The following GALNTL6 variants were observed in gnomAD, a reference collection of about 807,000 sequenced individuals.
The protein encoded by GALNTL6 is polypeptide N-acetylgalactosaminyltransferase like 6.
Under a neutral mutation model 73.7 loss-of-function variants are expected in GALNTL6, and 46 were observed. That is an observed-to-expected ratio of 0.62 (90% CI 0.49 to 0.80). The LOEUF is 0.80. Ranked by LOEUF, GALNTL6 falls within the 30% of genes least tolerant of loss-of-function variation. GALNTL6 has a pLI of 0.00. For synonymous variants in GALNTL6, 259 were observed against 263.7 expected, an observed-to-expected ratio of 0.98 and a Z score of 0.17; for missense variants, 604 against 755.0, an observed-to-expected ratio of 0.80 and a Z score of 2.34.
At chr4:172,052,399 C>T (rs1402720844) in intron 2 of GALNTL6, 7 of 1,418,534 alleles carry the variant, frequency 4.9e-6, no homozygotes, top group East Asian at 2.5e-5. Context: ...TCATAGTAAC[C>T]ACAAGCTCCA....
At chr4:172,612,423 G>A (rs1738560503) in intron 5 of GALNTL6, among the ~76,000 whole-genome samples, 1 of 152,050 alleles carries the variant, frequency 6.6e-6, no homozygotes, top group Admixed American at 6.6e-5. Context: ...CAGGACACTA[G>A]GCAACAGAAT....
intron 2 of GALNTL6, among the ~76,000 whole-genome samples, chr4:171,980,804 A>T (rs2111079299): frequency 6.6e-6 from 1 of 152,342 alleles, no homozygotes; most frequent in East Asian, 1.9e-4. Flanking sequence ...TGACACATAG[A>T]CCCACTCTGA....
intron 12 of GALNTL6, among the ~76,000 whole-genome samples, chr4:173,035,617 C>T (rs1753667004): frequency 6.6e-6 from 1 of 152,200 alleles, no homozygotes; most frequent in Non-Finnish European, 1.5e-5. Context: ...TCAAACTCAA[C>T]TGATGTGATT....
At chr4:171,984,939 T>C (rs1336383112) in intron 2 of GALNTL6, among the ~76,000 whole-genome samples, 1 of 151,034 alleles carries the variant, frequency 6.6e-6, no homozygotes, top group African/African-American at 2.4e-5. Flanking sequence ...GATCACGAGG[T>C]CAGGAGATTA....
chr4:172,477,453 A>G (rs968351051), intron 5 of GALNTL6, among the ~76,000 whole-genome samples: 2 of 152,176 alleles, frequency 1.3e-5, no homozygotes, highest in African/African-American at 4.8e-5. Context: ...CAGATAATGT[A>G]TATTTCTGTT....
At chr4:171,887,944 G>GTATGACA (rs1354583468) in intron 2 of GALNTL6, among the ~76,000 whole-genome samples, 2 of 152,162 alleles carry the variant, frequency 1.3e-5, no homozygotes, top group Admixed American at 6.6e-5. Context: ...ATAGATTGGT[G>GTATGACA]TATGACATGT....
At position 172,240,174 on chromosome 4, in the gene GALNTL6, T is replaced by A. The variant is rs115833386; in HGVS notation, c.247+10410T>A. ...CTTTTTTTCTGGGACACCAGTGAGT[T>A]ACAGATTTCATCTCTTGACATAATT... On this transcript the variant is annotated intron_variant, in intron 3 of 12. Transcript: ENST00000506823. 7.0e-3 allele frequency among the ~76,000 whole-genome samples: 1,059 copies of A among 152,228 alleles called. 10 individuals are homozygous for A. Among genetic ancestry groups the A allele is most frequent in the African/African-American group, 0.024 (1,018 of 41,554 alleles).
chr4:172,221,544 T>A (rs1736676111), intron 2 of GALNTL6, among the ~76,000 whole-genome samples: 1 of 137,618 alleles, frequency 7.3e-6, no homozygotes, highest in Non-Finnish European at 1.6e-5. Context: ...ACATTCACAC[T>A]AATTTGTGGA....
intron 8 of GALNTL6, among the ~76,000 whole-genome samples, chr4:172,924,931 G>C (rs1310775768): frequency 1.3e-5 from 2 of 152,094 alleles, no homozygotes; most frequent in Admixed American, 6.5e-5. Context: ...GAGTGCAGTG[G>C]CGCGATCTCG....
chr4:171,816,117 G>A (rs1326633247), intron 2 of GALNTL6: 1 of 151,882 alleles, frequency 6.6e-6, no homozygotes, highest in Admixed American at 6.6e-5. Context: ...ATGTAAAACA[G>A]GATTTTAATA....
At chr4:173,027,274 C>T (rs889165065) in intron 12 of GALNTL6, among the ~76,000 whole-genome samples, 7 of 152,158 alleles carry the variant, frequency 4.6e-5, no homozygotes, top group Admixed American at 2.0e-4. Flanking sequence ...TGAGCCACCG[C>T]GCCCAGCCCT....
intron 5 of GALNTL6, among the ~76,000 whole-genome samples, chr4:172,740,522 C>T (rs963925875): frequency 6.6e-6 from 1 of 152,156 alleles, no homozygotes; most frequent in Non-Finnish European, 1.5e-5. Flanking sequence ...TGGCCATTTG[C>T]AGACATACAC....
chr4:172,361,003 A>C, intron 5 of GALNTL6, among the ~76,000 whole-genome samples: 1 of 152,256 alleles, frequency 6.6e-6, no homozygotes, highest in South Asian at 2.1e-4. Flanking sequence ...GTAATTGAAA[A>C]GTGTAAAGGA....
At chr4:172,826,577 C>G (rs976098807) in intron 7 of GALNTL6, among the ~76,000 whole-genome samples, 13 of 152,214 alleles carry the variant, frequency 8.5e-5, no homozygotes, top group African/African-American at 3.1e-4. Context: ...GCTCAGAATC[C>G]TTTGTGCAGG....
intron 7 of GALNTL6, among the ~76,000 whole-genome samples, chr4:172,869,715 C>T (rs1309994820): frequency 6.6e-6 from 1 of 152,204 alleles, no homozygotes; most frequent in Non-Finnish European, 1.5e-5. Flanking sequence ...TACATCCTTT[C>T]ACCATCTTCT....
At chr4:172,303,790 G>T (rs1017943660) in intron 3 of GALNTL6, among the ~76,000 whole-genome samples, 1 of 151,912 alleles carries the variant, frequency 6.6e-6, no homozygotes, top group Non-Finnish European at 1.5e-5. Flanking sequence ...TTACATATAT[G>T]CTGTTTTATA....
intron 2 of GALNTL6, among the ~76,000 whole-genome samples, chr4:172,118,738 A>G (rs1051738842): frequency 1.3e-5 from 2 of 151,774 alleles, no homozygotes; most frequent in African/African-American, 4.8e-5. Flanking sequence ...AAACAAACAA[A>G]CAAAAAACAA....
At chr4:172,993,740 T>C (rs141418763) in intron 10 of GALNTL6, among the ~76,000 whole-genome samples, 8 of 152,330 alleles carry the variant, frequency 5.3e-5, no homozygotes, top group Non-Finnish European at 1.2e-4. Flanking sequence ...AGAAATAATC[T>C]CACTGTCTTC....
At chr4:172,638,655 G>A (rs951678812) in intron 5 of GALNTL6, among the ~76,000 whole-genome samples, 1 of 152,126 alleles carries the variant, frequency 6.6e-6, no homozygotes, top group African/African-American at 2.4e-5. Context: ...TACAAAGCCA[G>A]TATAATTATC....
Sources: allele counts gnomAD v4.1 joint callset (sites outside exome capture counted in the v4.1 genomes callset), GRCh38; gene constraint gnomAD v4.1.1; transcripts MANE v1.5; gene names NCBI Gene and HGNC (gene_info 2026-07-23, HGNC 2026-07-21).